Variants in FHOD3 observed in about 807,000 individuals in gnomAD.
The protein encoded by FHOD3 is formin homology 2 domain containing 3, also known as FH1/FH2 domain-containing protein 3.
In FHOD3, 90 loss-of-function variants were observed where a neutral mutation model predicts 173.0. The ratio of observed to expected loss-of-function variants is 0.52; its 90% CI spans 0.44 to 0.62. FHOD3 has a LOEUF of 0.62. Ranked by LOEUF, FHOD3 falls within the 20% of genes least tolerant of loss-of-function variation. The probability of loss-of-function intolerance (pLI) is 0.00; values close to 1 mark genes in which losing one functional copy is unlikely to be tolerated. For missense variants in FHOD3, 1,945 were observed against 2,034.7 expected, an observed-to-expected ratio of 0.96 and a Z score of 0.85; for synonymous variants, 828 against 823.0, an observed-to-expected ratio of 1.01 and a Z score of -0.10.
At chr18:36,611,358 C>T (rs932760330) in intron 8 of FHOD3, among the ~76,000 whole-genome samples, 4 of 152,184 alleles carry the variant, frequency 2.6e-5, no homozygotes, top group African/African-American at 7.2e-5. Context: ...CTTAGTAGGT[C>T]CTCTGCCCAG....
At chr18:36,628,762 C>T (rs1404863216) in intron 10 of FHOD3, among the ~76,000 whole-genome samples, 1 of 152,126 alleles carries the variant, frequency 6.6e-6, no homozygotes, top group Non-Finnish European at 1.5e-5. Flanking sequence ...AAGCAGGAGC[C>T]CTTTCTGTCA....
intron 10 of FHOD3, among the ~76,000 whole-genome samples, chr18:36,641,184 T>A (rs891900912): frequency 2.0e-5 from 3 of 152,108 alleles, no homozygotes; most frequent in Admixed American, 6.5e-5. Context: ...CTGGGCAGGG[T>A]CTCCTGGAGA....
At chr18:36,399,000 G>A (rs1305095781) in intron 3 of FHOD3, among the ~76,000 whole-genome samples, 1 of 152,108 alleles carries the variant, frequency 6.6e-6, no homozygotes, top group Non-Finnish European at 1.5e-5. Flanking sequence ...GACAGTGTGA[G>A]ATTTTTGTGA....
intron 19 of FHOD3, among the ~76,000 whole-genome samples, chr18:36,729,255 G>A (rs2041231380): frequency 6.6e-6 from 1 of 152,198 alleles, no homozygotes; most frequent in Non-Finnish European, 1.5e-5. Context: ...ATCCTCCCAA[G>A]TGTGTTTGCC....
chr18:36,501,798 C>A, intron 3 of FHOD3, 134 bp from the exon 4 acceptor site: 1 of 607,974 alleles, frequency 1.6e-6, no homozygotes, highest in Non-Finnish European at 2.8e-6. Flanking sequence ...GGGGTAAGGT[C>A]TGTATCCTGA....
chr18:36,734,539 C>T (rs144596700), intron 20 of FHOD3, among the ~76,000 whole-genome samples: 8 of 152,042 alleles, frequency 5.3e-5, no homozygotes, highest in Non-Finnish European at 1.0e-4. Flanking sequence ...AGACTCCAGT[C>T]GAAACCCCTC....
At chr18:36,551,366 A>G (rs1424468155) in intron 5 of FHOD3, among the ~76,000 whole-genome samples, 1 of 152,034 alleles carries the variant, frequency 6.6e-6, no homozygotes, top group Non-Finnish European at 1.5e-5. Context: ...TGTTGTGGCA[A>G]TGCTGGTCTT....
intron 2 of FHOD3, among the ~76,000 whole-genome samples, chr18:36,356,221 C>T (rs1021898674): frequency 7.9e-5 from 12 of 152,292 alleles, no homozygotes; most frequent in South Asian, 4.1e-4. Context: ...TAGTTTTATA[C>T]GGTATCATCT....
chr18:36,597,112 G>A (rs2030567252), intron 7 of FHOD3, among the ~76,000 whole-genome samples: 1 of 152,124 alleles, frequency 6.6e-6, no homozygotes, highest in Admixed American at 6.5e-5. Flanking sequence ...GGGTTATAGG[G>A]GCCAACGTCT....
At chr18:36,382,356 G>C (rs559686281) in intron 3 of FHOD3, among the ~76,000 whole-genome samples, 2 of 152,198 alleles carry the variant, frequency 1.3e-5, no homozygotes, top group East Asian at 3.9e-4. Flanking sequence ...GCGTTTTTTC[G>C]AGGCCCAATA....
chr18:36,694,996 T>TGC (rs59094819), intron 17 of FHOD3, among the ~76,000 whole-genome samples: 3,872 of 151,734 alleles, frequency 0.026, 174 homozygotes, highest in African/African-American at 0.089. Context: ...TGTGTGTGTG[T>TGC]GCGTGTGTGT....
At chr18:36,697,647 C>T (rs956972733) in intron 17 of FHOD3, among the ~76,000 whole-genome samples, 4 of 152,146 alleles carry the variant, frequency 2.6e-5, no homozygotes, top group Admixed American at 6.5e-5. Context: ...GGGATATATA[C>T]GGCCTATATG....
chr18:36,647,599 T>C (rs1352064168), intron 10 of FHOD3, among the ~76,000 whole-genome samples: 2 of 152,214 alleles, frequency 1.3e-5, no homozygotes, highest in South Asian at 2.1e-4. Context: ...TCCCAAGATA[T>C]AGTACACAGT....
intron 3 of FHOD3, among the ~76,000 whole-genome samples, chr18:36,462,464 T>TG (rs1244177444): frequency 6.6e-6 from 1 of 152,094 alleles, no homozygotes. Context: ...CCTGAGTAGC[T>TG]GGGACTACAG....
In FHOD3 at chr18:36,660,696, G is replaced by A. The variant is rs75073448; in HGVS notation, c.1835+2508G>A. 1.9e-3 allele frequency among the ~76,000 whole-genome samples: 289 copies of A among 152,358 alleles called. 1 individual carries two copies. The highest frequency in any genetic ancestry group is 6.3e-3 in the African/African-American group (262 of 41,596). ...TGGAGACTTCCAGCATGGGGCATGG[G>A]TGGTCCAAGGAGCCTGTCTGACATC... On this transcript the variant is annotated intron_variant, in intron 14 of 28. Coordinates refer to ENST00000590592, the MANE Select transcript of FHOD3 (RefSeq NM_001281740.3).
intron 1 of FHOD3, among the ~76,000 whole-genome samples, chr18:36,346,449 T>C (rs1044318744): frequency 6.6e-6 from 1 of 152,214 alleles, no homozygotes. Context: ...ATTAGGCCAG[T>C]GTTTGCCATG....
chr18:36,717,764 C>T, intron 18 of FHOD3, 68 bp from the exon 19 acceptor site: 1 of 1,510,234 alleles, frequency 6.6e-7, no homozygotes, highest in Non-Finnish European at 8.8e-7. Flanking sequence ...CACTTATTCT[C>T]ATCGATTCTC....
chr18:36,687,660 A>G (rs2038712310), intron 16 of FHOD3, among the ~76,000 whole-genome samples: 2 of 152,300 alleles, frequency 1.3e-5, no homozygotes, highest in Admixed American at 6.5e-5. Flanking sequence ...GGCAGGAACA[A>G]TGCCTAGATT....
chr18:36,548,850 C>A (rs2147275403), intron 5 of FHOD3, among the ~76,000 whole-genome samples: 1 of 152,228 alleles, frequency 6.6e-6, no homozygotes, highest in African/African-American at 2.4e-5. Context: ...TTGGGTGTTT[C>A]CAGTTTTAGA....
Sources: gnomAD v4.1 joint callset for allele counts (sites outside exome capture counted in the v4.1 genomes callset) on GRCh38, gnomAD v4.1.1 for gene constraint, MANE v1.5 for transcripts, NCBI Gene and HGNC (gene_info 2026-07-23, HGNC 2026-07-21) for gene names.